The following SAMMSON variants were observed in gnomAD, a reference collection of about 807,000 sequenced individuals.
SAMMSON encodes the protein long intergenic non-protein coding RNA 1212.
intron 9 of SAMMSON, among the ~76,000 whole-genome samples, chr3:70,365,245 T>C (rs1162137444): frequency 6.6e-6 from 1 of 151,700 alleles, no homozygotes; most frequent in Non-Finnish European, 1.5e-5. Flanking sequence ...GTTGCTTTTA[T>C]TGGCAAATGG....
intron 7 of SAMMSON, among the ~76,000 whole-genome samples, chr3:70,328,825 C>T (rs1702599924): frequency 6.6e-6 from 1 of 151,898 alleles, no homozygotes; most frequent in Non-Finnish European, 1.5e-5. Flanking sequence ...TGAAGAAGCT[C>T]AATGAAATGC....
chr3:70,417,871 T>C (rs1368902092), intron 2 of SAMMSON, among the ~76,000 whole-genome samples: 1 of 152,106 alleles, frequency 6.6e-6, no homozygotes, highest in Non-Finnish European at 1.5e-5. Flanking sequence ...CTTCTTTATA[T>C]TGCAAGTCCT....
intron 6 of SAMMSON, among the ~76,000 whole-genome samples, chr3:70,250,691 A>G (rs1701756671): frequency 6.6e-6 from 1 of 152,168 alleles, no homozygotes; most frequent in African/African-American, 2.4e-5. Context: ...CACTTCAAAT[A>G]CTAATATCCA....
At chr3:70,370,584 C>A (rs1407024458) in intron 9 of SAMMSON, among the ~76,000 whole-genome samples, 1 of 151,858 alleles carries the variant, frequency 6.6e-6, no homozygotes, top group African/African-American at 2.4e-5. Flanking sequence ...TTTCATATAT[C>A]TGTTGGCCAT....
chr3:70,083,299 C>T (rs1221689349), intron 4 of SAMMSON, among the ~76,000 whole-genome samples: 1 of 152,174 alleles, frequency 6.6e-6, no homozygotes, highest in Non-Finnish European at 1.5e-5. Flanking sequence ...GATATCATTA[C>T]TCTGAAATTT....
Position 70,162,994 on chromosome 3 carries a change from C to T in SAMMSON, n.508-86113C>T, listed in dbSNP as rs116544989. On this transcript the variant is annotated intron_variant and non_coding_transcript_variant, in intron 4 of 9. Coordinates refer to ENST00000642114, the Ensembl canonical transcript of SAMMSON. ...TTTTGTTTACTGTTTGCATGGTGTTCCTATTTCTATTTTTTTACTTTTAAT... is the reference window on the plus strand; with the variant it reads ...TTTTGTTTACTGTTTGCATGGTGTTTCTATTTCTATTTTTTTACTTTTAAT... 9.3e-3 allele frequency among the ~76,000 whole-genome samples: 1,408 copies of T among 151,494 alleles called. 15 individuals carry two copies. The highest frequency in any genetic ancestry group is 0.034 in the Middle Eastern group (10 of 294).
chr3:70,377,819 A>G (rs1470293870), intron 9 of SAMMSON, among the ~76,000 whole-genome samples: 1 of 152,072 alleles, frequency 6.6e-6, no homozygotes, highest in East Asian at 1.9e-4. Context: ...TGTTCAAAGA[A>G]TATGAATAGG....
At chr3:70,408,813 T>C (rs1701195956) in intron 2 of SAMMSON, among the ~76,000 whole-genome samples, 1 of 152,130 alleles carries the variant, frequency 6.6e-6, no homozygotes, top group South Asian at 2.1e-4. Flanking sequence ...TCTCTACTGG[T>C]ACCAATTTAC....
At chr3:70,397,625 T>A (rs1280745239) in intron 2 of SAMMSON, among the ~76,000 whole-genome samples, 1 of 152,074 alleles carries the variant, frequency 6.6e-6, no homozygotes, top group Non-Finnish European at 1.5e-5. Context: ...TATATATAAG[T>A]GTGTGTGTGT....
intron 4 of SAMMSON, among the ~76,000 whole-genome samples, chr3:70,163,315 A>G (rs2067623599): frequency 6.7e-6 from 1 of 148,438 alleles, no homozygotes; most frequent in Non-Finnish European, 1.5e-5. Context: ...TCAGAACTAT[A>G]TATATATTAT....
intron 3 of SAMMSON, among the ~76,000 whole-genome samples, chr3:70,026,351 A>AT (rs1056992119): frequency 1.1e-4 from 16 of 152,024 alleles, no homozygotes; most frequent in African/African-American, 2.9e-4. Flanking sequence ...TATTTTATTC[A>AT]TTTTTTTCCA....
chr3:70,423,202 T>C (rs182960272), intron 2 of SAMMSON, among the ~76,000 whole-genome samples: 2 of 152,264 alleles, frequency 1.3e-5, no homozygotes, highest in East Asian at 1.9e-4. Context: ...AAACTGATAC[T>C]TACATGTTAA....
At chr3:70,076,422 C>A (rs2067248886) in intron 4 of SAMMSON, among the ~76,000 whole-genome samples, 1 of 152,132 alleles carries the variant, frequency 6.6e-6, no homozygotes, top group Admixed American at 6.6e-5. Flanking sequence ...TTATCACTAG[C>A]TTGTTTGCTA....
chr3:70,206,546 G>T (rs1005301528), intron 4 of SAMMSON: 1 of 397,394 alleles, frequency 2.5e-6, no homozygotes, highest in Non-Finnish European at 4.4e-6. Context: ...ATTTAGAGAT[G>T]GGTTGAATTC....
chr3:70,136,567 A>G lies in SAMMSON; in HGVS notation n.507+65002A>G, dbSNP rs79198674. ...GAACCAACAGCTGAACGGTTCTTGA[A>G]TGCTTGACGTACAGAAACTGTGTGA... is the stretch of plus-strand genomic sequence containing the variant. On this transcript the variant is annotated intron_variant and non_coding_transcript_variant, in intron 4 of 9. Coordinates refer to ENST00000642114, the Ensembl canonical transcript of SAMMSON. 6.8e-3 allele frequency among the ~76,000 whole-genome samples: 1,034 copies of G among 152,350 alleles called. 5 individuals are homozygous for G. The highest frequency in any genetic ancestry group is 0.014 in the Middle Eastern group (4 of 294).
intron 4 of SAMMSON, among the ~76,000 whole-genome samples, chr3:70,180,950 G>C (rs1413956902): frequency 3.3e-5 from 5 of 152,168 alleles, no homozygotes; most frequent in Non-Finnish European, 4.4e-5. Flanking sequence ...CAACAAATGG[G>C]CTGAGTTAGG....
chr3:70,305,499 G>A (rs913051739), intron 7 of SAMMSON, among the ~76,000 whole-genome samples: 1 of 152,144 alleles, frequency 6.6e-6, no homozygotes, highest in African/African-American at 2.4e-5. Context: ...TTATCTGAGT[G>A]AGAGAATTAG....
At chr3:70,327,693 T>G (rs1702589401) in intron 7 of SAMMSON, among the ~76,000 whole-genome samples, 1 of 152,074 alleles carries the variant, frequency 6.6e-6, no homozygotes, top group African/African-American at 2.4e-5. Context: ...CCAGGCAGAA[T>G]AAAAAGACTT....
chr3:70,300,061 T>A (rs1702332843), intron 7 of SAMMSON, among the ~76,000 whole-genome samples: 1 of 152,126 alleles, frequency 6.6e-6, no homozygotes, highest in Non-Finnish European at 1.5e-5. Context: ...TACCCATGAT[T>A]TATAGCCCAG....
Sources: gnomAD v4.1 joint callset for allele counts (sites outside exome capture counted in the v4.1 genomes callset) on GRCh38, gnomAD v4.1.1 for gene constraint, MANE v1.5 for transcripts, NCBI Gene and HGNC (gene_info 2026-07-23, HGNC 2026-07-21) for gene names.